Variants in SHISA9 observed in about 807,000 individuals in gnomAD.
SHISA9 encodes shisa family member 9.
In SHISA9, 13 loss-of-function variants were observed where a neutral mutation model predicts 38.0. The observed-to-expected ratio is 0.34, with a 90% CI of 0.22 to 0.54. The LOEUF is 0.54. Among genes scored for constraint, SHISA9 ranks in the 20% least tolerant of loss-of-function variants. The pLI is 0.91. For missense variants in SHISA9, 538 were observed against 575.8 expected (o/e 0.93, Z 0.67); for synonymous variants, 275 against 242.0 (o/e 1.14, Z -1.27).
chr16:13,211,588 C>CA (rs1477344412), intron 3 of SHISA9, among the ~76,000 whole-genome samples: 1 of 152,278 alleles, frequency 6.6e-6, no homozygotes, highest in South Asian at 2.1e-4. Context: ...TTTTCACCCT[C>CA]AAAGTATTTT....
chr16:13,018,944 A>G (rs983247537), intron 2 of SHISA9, among the ~76,000 whole-genome samples: 8 of 152,218 alleles, frequency 5.3e-5, no homozygotes, highest in African/African-American at 1.7e-4. Context: ...TACTTTGCTC[A>G]AGCTACCATA....
At chr16:13,524,145 T>C in the SHISA9 span, among the ~76,000 whole-genome samples, 2 of 152,104 alleles carry the variant, frequency 1.3e-5, no homozygotes, top group African/African-American at 4.8e-5. Context: ...TATGCATTCT[T>C]TTCTTGAAAG....
chr16:13,476,694 TTTGAC>T, the SHISA9 span, among the ~76,000 whole-genome samples: 1 of 151,654 alleles, frequency 6.6e-6, no homozygotes, highest in African/African-American at 2.4e-5. Context: ...CCTCTTGTTC[TTTGAC>T]TGAATTTTGT....
the SHISA9 span, among the ~76,000 whole-genome samples, chr16:13,392,970 C>T: frequency 4.6e-5 from 7 of 152,282 alleles, no homozygotes; most frequent in African/African-American, 7.2e-5. Context: ...GGCTTTTAAG[C>T]GAAACAGGTC....
intron 2 of SHISA9, among the ~76,000 whole-genome samples, chr16:12,919,215 T>C (rs1258668598): frequency 1.3e-5 from 2 of 152,198 alleles, no homozygotes; most frequent in East Asian, 1.9e-4. Context: ...GTCTGATAAA[T>C]GGAAAATTAG....
intron 1 of SHISA9, chr16:12,902,867 T>TGA (rs2071039159): frequency 2.0e-6 from 1 of 503,268 alleles, no homozygotes; most frequent in African/African-American, 2.0e-5. Flanking sequence ...TGTGTGTGTG[T>TGA]GACTCTGCTC....
At chr16:13,002,517 G>A (rs968614089) in intron 2 of SHISA9, among the ~76,000 whole-genome samples, 3 of 150,178 alleles carry the variant, frequency 2.0e-5, no homozygotes, top group Admixed American at 6.6e-5. Context: ...ATGTGAGACA[G>A]TCAGTTGGTT....
At chr16:13,397,126 TTAACTG>T in the SHISA9 span, among the ~76,000 whole-genome samples, 1 of 152,370 alleles carries the variant, frequency 6.6e-6, no homozygotes, top group East Asian at 1.9e-4. Context: ...CCAGCTTAAA[TTAACTG>T]TAAGAATACA....
chr16:13,517,301 C>T, the SHISA9 span, among the ~76,000 whole-genome samples: 1 of 152,156 alleles, frequency 6.6e-6, no homozygotes, highest in Non-Finnish European at 1.5e-5. Context: ...CCTGAAGATA[C>T]CTTGATTTCA....
At chr16:13,315,480 C>G in the SHISA9 span, among the ~76,000 whole-genome samples, 1 of 152,146 alleles carries the variant, frequency 6.6e-6, no homozygotes, top group Non-Finnish European at 1.5e-5. Flanking sequence ...TCTTGTGGTC[C>G]TTCCAGTTAG....
intron 2 of SHISA9, among the ~76,000 whole-genome samples, chr16:13,082,932 CT>C (rs1265287641): frequency 6.6e-6 from 1 of 152,130 alleles, no homozygotes; most frequent in Non-Finnish European, 1.5e-5. Context: ...CCTTCATTGC[CT>C]TTTGATGTAG....
intron 2 of SHISA9, among the ~76,000 whole-genome samples, chr16:13,171,888 G>A (rs769160801): frequency 7.9e-5 from 12 of 152,142 alleles, no homozygotes; most frequent in East Asian, 3.9e-4. Flanking sequence ...TTTCTCTCTC[G>A]GATTCTCTCC....
At chr16:13,271,777 G>T in the SHISA9 span, among the ~76,000 whole-genome samples, 605 of 151,932 alleles carry the variant, frequency 4.0e-3, 7 homozygotes, top group African/African-American at 0.013. Context: ...TTATGGGGGG[G>T]GTGTGTGTGT....
At chr16:13,126,665 A>G (rs2050259871) in intron 2 of SHISA9, among the ~76,000 whole-genome samples, 13 of 130,446 alleles carry the variant, frequency 1.0e-4, no homozygotes, top group South Asian at 2.7e-4. Flanking sequence ...GAGACTGAGG[A>G]AGGGAGAGAG....
At chr16:13,044,801 G>A (rs574134831) in intron 2 of SHISA9, among the ~76,000 whole-genome samples, 1 of 152,312 alleles carries the variant, frequency 6.6e-6, no homozygotes, top group South Asian at 2.1e-4. Flanking sequence ...ATCTTGGATG[G>A]TAGCTAAGTG....
intron 2 of SHISA9, among the ~76,000 whole-genome samples, chr16:13,047,688 G>C (rs568593195): frequency 6.6e-6 from 1 of 152,094 alleles, no homozygotes; most frequent in South Asian, 2.1e-4. Context: ...CATCTATCAA[G>C]TACCTCCCGT....
At chr16:13,533,571 C>G in the SHISA9 span, among the ~76,000 whole-genome samples, 1 of 152,080 alleles carries the variant, frequency 6.6e-6, no homozygotes, top group Admixed American at 6.5e-5. Context: ...ACCCCCACCA[C>G]CAAATACACA....
At chr16:13,323,783 A>G in the SHISA9 span, among the ~76,000 whole-genome samples, 4 of 152,186 alleles carry the variant, frequency 2.6e-5, no homozygotes, top group Non-Finnish European at 5.9e-5. Flanking sequence ...TGAGAACAGC[A>G]TAGGGGAAAC....
At chr16:12,975,072 C>T (rs2040105439) in intron 2 of SHISA9, among the ~76,000 whole-genome samples, 2 of 151,996 alleles carry the variant, frequency 1.3e-5, no homozygotes, top group Admixed American at 6.5e-5. Context: ...CTGTTGTGAC[C>T]GGGCACTGTG....
Sources: gnomAD v4.1 joint callset for allele counts (sites outside exome capture counted in the v4.1 genomes callset) on GRCh38, gnomAD v4.1.1 for gene constraint, MANE v1.5 for transcripts, NCBI Gene and HGNC (gene_info 2026-07-23, HGNC 2026-07-21) for gene names.